Variants in MSN observed in about 807,000 individuals in gnomAD.
The protein encoded by MSN is moesin, also known as epididymis luminal protein 70.
In MSN, 2 loss-of-function variants were observed where a neutral mutation model predicts 48.0. The ratio of observed to expected loss-of-function variants is 0.04; its 90% CI spans 0.02 to 0.13. The LOEUF (loss-of-function observed/expected upper bound fraction) is 0.13. Ranked by LOEUF, MSN falls within the 10% of genes least tolerant of loss-of-function variation. The probability of loss-of-function intolerance (pLI) is 1.00; values close to 1 mark genes in which losing one functional copy is unlikely to be tolerated. For synonymous variants in MSN, 146 were observed against 166.9 expected (o/e 0.87, Z 0.97); for missense variants, 267 against 470.1 (o/e 0.57, Z 3.99).
chrX:65,630,712 C>T (rs2070549810), intron 1 of MSN, among the ~76,000 whole-genome samples: 1 of 111,839 alleles, frequency 8.9e-6, no homozygotes, highest in African/African-American at 3.3e-5. Flanking sequence ...TACTTTCTAT[C>T]TCTATGGATT....
intron 3 of MSN, among the ~76,000 whole-genome samples, chrX:65,728,133 AAAG>A (rs760742171): frequency 1.1e-4 from 12 of 111,779 alleles, no homozygotes; most frequent in East Asian, 8.4e-4. Context: ...GCCAGCATTC[AAAG>A]AAGAAGAGAC....
upstream of MSN, chrX:65,667,502 C>T (rs1211793320): frequency 2.2e-5 from 9 of 412,897 alleles, no homozygotes; most frequent in East Asian, 2.0e-4. Flanking sequence ...CCCAGCCGGG[C>T]CCCCCACGTG....
chrX:65,723,652 G>A (rs926007798), intron 2 of MSN, among the ~76,000 whole-genome samples: 3 of 111,905 alleles, frequency 2.7e-5, no homozygotes, highest in Non-Finnish European at 5.6e-5. Flanking sequence ...CTTTCCTCTG[G>A]AATGGAGGTC....
intron 1 of MSN, among the ~76,000 whole-genome samples, chrX:65,700,834 C>T (rs1251347422): frequency 8.9e-6 from 1 of 111,766 alleles, no homozygotes; most frequent in Non-Finnish European, 1.9e-5. Flanking sequence ...TTGCCAATTC[C>T]CATGGTATAA....
chrX:65,625,514 A>G (rs754631682), intron 1 of MSN: 1 of 112,348 alleles, frequency 8.9e-6, no homozygotes, highest in Non-Finnish European at 1.9e-5. Context: ...TGACCCTTTT[A>G]TCAATATATA....
chrX:65,695,326 C>G (rs1029546938), intron 1 of MSN, among the ~76,000 whole-genome samples: 1 of 109,396 alleles, frequency 9.1e-6, no homozygotes, highest in Non-Finnish European at 1.9e-5. Flanking sequence ...CATGGTGAAA[C>G]CCCGTCTCTA....
chrX:65,605,012 C>T (rs1453351942), intron 1 of MSN, among the ~76,000 whole-genome samples: 1 of 112,378 alleles, frequency 8.9e-6, no homozygotes, highest in African/African-American at 3.2e-5. Flanking sequence ...CCAGCACACT[C>T]AGGACTTACA....
intron 1 of MSN, among the ~76,000 whole-genome samples, chrX:65,646,671 C>T (rs906990917): frequency 8.9e-6 from 1 of 112,155 alleles, no homozygotes; most frequent in Non-Finnish European, 1.9e-5. Context: ...TATGGCCGGG[C>T]GTGGTGGCTC....
intron 2 of MSN, among the ~76,000 whole-genome samples, chrX:65,727,022 T>C (rs2071574241): frequency 9.0e-6 from 1 of 111,324 alleles, no homozygotes; most frequent in African/African-American, 3.3e-5. Context: ...GCTGCTACAC[T>C]GAGGTACTTA....
chrX:65,673,222 C>T (rs1337454975), intron 1 of MSN, among the ~76,000 whole-genome samples: 2 of 111,577 alleles, frequency 1.8e-5, no homozygotes, highest in Non-Finnish European at 3.8e-5. Context: ...ATAGATTTTC[C>T]TGCCATTCTT....
intron 8 of MSN, among the ~76,000 whole-genome samples, chrX:65,736,339 T>C (rs2071675578): frequency 9.1e-6 from 1 of 110,102 alleles, no homozygotes; most frequent in South Asian, 3.9e-4. Context: ...GACAAGGGTA[T>C]AGAGGTAAGG....
intron 1 of MSN, among the ~76,000 whole-genome samples, chrX:65,628,432 A>G (rs1364928444): frequency 9.8e-5 from 11 of 112,528 alleles, no homozygotes; most frequent in African/African-American, 3.2e-4. Flanking sequence ...CCACAGCCTG[A>G]GCTCTACGTT....
chrX:65,636,747 CAAAAAAA>C (rs1219240320), intron 1 of MSN, among the ~76,000 whole-genome samples: 13 of 6,339 alleles, frequency 2.1e-3, no homozygotes, highest in African/African-American at 4.9e-3. Flanking sequence ...AACTCCATCT[CAAAAAAA>C]AAAAAAAAAA....
upstream of MSN, among the ~76,000 whole-genome samples, chrX:65,663,802 T>C (rs1341131135): frequency 9.0e-6 from 1 of 110,871 alleles, no homozygotes; most frequent in Non-Finnish European, 1.9e-5. Context: ...CTCATGCCTA[T>C]AATCCCAGCA....
At chrX:65,610,953 C>T (rs1217311092) in intron 1 of MSN, among the ~76,000 whole-genome samples, 1 of 111,586 alleles carries the variant, frequency 9.0e-6, no homozygotes, top group Non-Finnish European at 1.9e-5. Context: ...AGCATATTCA[C>T]ATTGTTATAT....
chrX:65,642,350 GGT>G (rs61644801), intron 1 of MSN, among the ~76,000 whole-genome samples: 16,296 of 95,633 alleles, frequency 0.17, 3,213 homozygotes, highest in African/African-American at 0.54. Flanking sequence ...TGTACATTAT[GGT>G]GTGTGTGTGT....
At position 65,607,329 on chromosome X, in the gene MSN, G is replaced by T. The variant is rs1020093391; in HGVS notation, c.-22+18717G>T. On this transcript the variant is annotated intron_variant, in intron 1 of 3. Transcript: ENST00000609672. ...AATGATACAAAGGAACCCCTGCAGG[G>T]CCTCTGACCCAGAGGGAGATCTTGA... 7.2e-5 allele frequency among the ~76,000 whole-genome samples: 8 copies of T among 111,507 alleles called. No individual in the cohort carries two copies. The Admixed American group carries it at 7.6e-4, about 11-fold the overall frequency.
At position 65,588,961 on chromosome X, in the gene MSN, C is replaced by G. The variant is rs762075269; in HGVS notation, c.-22+349C>G. Reference sequence around the variant, plus strand: ...CTCACAGAGGCTGCTAGTGCCGATGCTGCTGGTGCTGCTGCTGAGGAGTGC... The same window carrying G: ...CTCACAGAGGCTGCTAGTGCCGATGGTGCTGGTGCTGCTGCTGAGGAGTGC... On this transcript the variant is annotated intron_variant, in intron 1 of 3. Coordinates refer to the MSN transcript ENST00000609672. 7 of 137,443 alleles carry G rather than the reference C, an allele frequency of 5.1e-5. 1 individual carries two copies. Among genetic ancestry groups the G allele is most frequent in the Admixed American group, 2.7e-4 (3 of 11,098 alleles). The allele number at this position is 137,443 out of a possible 1,213,427, so 11.3% of individuals were successfully genotyped here. A position where few individuals can be genotyped will look rare whatever the true frequency, so the allele number is the denominator to read the frequency against.
At chrX:65,682,081 G>C (rs2071061711) in intron 1 of MSN, among the ~76,000 whole-genome samples, 1 of 111,653 alleles carries the variant, frequency 9.0e-6, no homozygotes, top group Non-Finnish European at 1.9e-5. Context: ...TAAAATAAGT[G>C]GTTTAGAGTA....
Sources: allele counts gnomAD v4.1 joint callset (sites outside exome capture counted in the v4.1 genomes callset), GRCh38; gene constraint gnomAD v4.1.1; transcripts MANE v1.5; gene names NCBI Gene and HGNC (gene_info 2026-07-23, HGNC 2026-07-21).